Variants in RASGRF2 observed in about 807,000 individuals in gnomAD.
RASGRF2 encodes the protein Ras protein specific guanine nucleotide releasing factor 2, also known as ras-specific guanine nucleotide-releasing factor 2.
A neutral mutation model predicts 151.0 loss-of-function variants in RASGRF2; 76 were observed. The observed-to-expected ratio is 0.50, with a 90% confidence interval of 0.42 to 0.61. RASGRF2 has a LOEUF of 0.61. Among genes scored for constraint, RASGRF2 ranks in the 20% least tolerant of loss-of-function variants. The pLI is 0.00. For synonymous variants in RASGRF2, 504 were observed against 566.5 expected (o/e 0.89, Z 1.57); for missense variants, 1,148 against 1,564.6 (o/e 0.73, Z 4.49).
chr5:81,101,933 T>C (rs979718587), intron 12 of RASGRF2, among the ~76,000 whole-genome samples: 2 of 152,232 alleles, frequency 1.3e-5, no homozygotes, highest in African/African-American at 4.8e-5. Context: ...ATAAATCTCC[T>C]CTTTTGAGTT....
intron 1 of RASGRF2, among the ~76,000 whole-genome samples, chr5:80,999,388 G>T (rs1490521007): frequency 6.6e-6 from 1 of 152,040 alleles, no homozygotes; most frequent in Non-Finnish European, 1.5e-5. Flanking sequence ...GCCCAGGTTG[G>T]TTGGAGTGCA....
chr5:81,142,398 TC>T (rs1483906755), intron 17 of RASGRF2, among the ~76,000 whole-genome samples: 1 of 152,206 alleles, frequency 6.6e-6, no homozygotes, highest in African/African-American at 2.4e-5. Flanking sequence ...ATGCTCACTT[TC>T]TGAATGCAAT....
chr5:80,960,811 A>G lies in RASGRF2; in HGVS notation c.73A>G (p.Lys25Glu). Residue 25 changes from lysine (K) to glutamate (E), a missense_variant, in exon 1 of 27, where the codon AAG becomes GAG. Physicochemically the swap from Lys to Glu is moderately conservative, Grantham distance 56. This residue lies in a region of RASGRF2 where 221 missense variants were observed against 271.3 expected (regional missense o/e 0.81). Coordinates refer to ENST00000265080, the MANE Select transcript of RASGRF2 (RefSeq NM_006909.3). This position sits in a 1 kb window ranked among gnomAD's most constrained non-coding sequence, Gnocchi z 5.5. The stretch of plus-strand genomic sequence containing the variant: ...CTTTCTGGCGCGCAAGGAGGGCACC[A>G]AGCGCGGCTTCCTGAGTAAGAAGAC... ...LAFLARKEGT[K>E]RGFLSKKTAE... 6.2e-7 allele frequency: 1 copy of G among 1,613,612 alleles called. No homozygotes were observed. The highest frequency in any genetic ancestry group is 8.5e-7 in the Non-Finnish European group (1 of 1,179,724).
chr5:81,209,144 G>A (rs907089920), intron 22 of RASGRF2, among the ~76,000 whole-genome samples: 1 of 152,146 alleles, frequency 6.6e-6, no homozygotes, highest in African/African-American at 2.4e-5. Flanking sequence ...TGAACGTTCA[G>A]CCTGAATTAC....
At chr5:81,143,611 G>T (rs1240319127) in intron 17 of RASGRF2, among the ~76,000 whole-genome samples, 1 of 151,886 alleles carries the variant, frequency 6.6e-6, no homozygotes, top group African/African-American at 2.4e-5. Flanking sequence ...GATTAAAAAG[G>T]GCAGGCACGG....
At chr5:81,179,060 G>A (rs1304084312) in intron 17 of RASGRF2, among the ~76,000 whole-genome samples, 2 of 152,144 alleles carry the variant, frequency 1.3e-5, no homozygotes, top group Non-Finnish European at 2.9e-5. Flanking sequence ...CAAGAGGTTT[G>A]CCACTGAAGT....
chr5:81,035,287 A>T (rs1275909246), intron 1 of RASGRF2, among the ~76,000 whole-genome samples: 1 of 152,212 alleles, frequency 6.6e-6, no homozygotes, highest in African/African-American at 2.4e-5. Flanking sequence ...CAGCCATAAA[A>T]AAGGATGAGT....
intron 19 of RASGRF2, chr5:81,204,205 A>G (rs1251513627): frequency 2.0e-5 from 3 of 152,276 alleles, no homozygotes; most frequent in Non-Finnish European, 2.9e-5. Context: ...ATGCCCAAGC[A>G]TCGCCAGAAG....
intron 12 of RASGRF2, 114 bp from the exon 13 acceptor site, chr5:81,108,869 TGTGTGTGTGTGTA>T: frequency 2.5e-6 from 3 of 1,180,482 alleles, no homozygotes; most frequent in Non-Finnish European, 2.3e-6. Context: ...TGTGTGTGTG[TGTGTGTGTGTGTA>T]AGAGACAGGG....
intron 1 of RASGRF2, among the ~76,000 whole-genome samples, chr5:80,982,939 A>G (rs1441882035): frequency 1.3e-5 from 2 of 152,062 alleles, no homozygotes; most frequent in African/African-American, 2.4e-5. Flanking sequence ...TACTGTGGGG[A>G]ATTTTTCTTG....
intron 1 of RASGRF2, among the ~76,000 whole-genome samples, chr5:81,033,717 C>A (rs541117182): frequency 1.3e-5 from 2 of 152,168 alleles, no homozygotes; most frequent in African/African-American, 4.8e-5. Context: ...CTAGGCAGTA[C>A]CATTCAGGAC....
chr5:81,054,904 C>G (rs1262654950), intron 2 of RASGRF2, among the ~76,000 whole-genome samples: 2 of 151,830 alleles, frequency 1.3e-5, no homozygotes, highest in Non-Finnish European at 2.9e-5. Context: ...AATGGGAGTT[C>G]ACTCATGATT....
At chr5:81,001,696 C>T (rs151121048) in intron 1 of RASGRF2, among the ~76,000 whole-genome samples, 99 of 152,306 alleles carry the variant, frequency 6.5e-4, no homozygotes, top group East Asian at 3.7e-3. Flanking sequence ...CCAGAGCAAC[C>T]TTTTCGAGAC....
At chr5:81,044,855 T>TGGCCAAG (rs1363117521) in intron 2 of RASGRF2, among the ~76,000 whole-genome samples, 2 of 152,170 alleles carry the variant, frequency 1.3e-5, no homozygotes, top group African/African-American at 4.8e-5. Flanking sequence ...TTTTTTTTCT[T>TGGCCAAG]TTCCTCATTC....
intron 7 of RASGRF2, among the ~76,000 whole-genome samples, chr5:81,082,979 T>C (rs892114324): frequency 1.3e-5 from 2 of 152,240 alleles, no homozygotes; most frequent in Non-Finnish European, 2.9e-5. Flanking sequence ...TCTTCTTCAC[T>C]TGATGCCTCA....
Position 81,160,628 on chromosome 5 carries a change from C to T in RASGRF2, c.2687-19547C>T, listed in dbSNP as rs185858776. 2.6e-3 allele frequency among the ~76,000 whole-genome samples: 392 copies of T among 151,116 alleles called. 4 individuals are homozygous for T. The highest frequency in any genetic ancestry group is 8.9e-3 in the African/African-American group (366 of 41,158). The stretch of plus-strand genomic sequence containing the variant: ...CGGAGGTTGCAGTGAGCCAAGATCG[C>T]GCCACTGCACCACTGCACTCCAGCC... On this transcript the variant is annotated intron_variant, in intron 17 of 26. Transcript: ENST00000265080.
intron 1 of RASGRF2, among the ~76,000 whole-genome samples, chr5:80,964,176 C>T (rs1323247990): frequency 6.6e-6 from 1 of 152,032 alleles, no homozygotes; most frequent in Non-Finnish European, 1.5e-5. Context: ...TCTTATCAGC[C>T]TTCCATAGTG....
chr5:81,163,858 T>C (rs929490480), intron 17 of RASGRF2, among the ~76,000 whole-genome samples: 1 of 152,204 alleles, frequency 6.6e-6, no homozygotes, highest in African/African-American at 2.4e-5. Context: ...CACATCATCA[T>C]TGATGTGAAT....
At chr5:81,110,193 C>G (rs1231579807) in intron 13 of RASGRF2, among the ~76,000 whole-genome samples, 3 of 152,190 alleles carry the variant, frequency 2.0e-5, no homozygotes, top group African/African-American at 7.2e-5. Context: ...TTCTTACTGA[C>G]AGGGCGTCAC....
Sources: allele counts gnomAD v4.1 joint callset (sites outside exome capture counted in the v4.1 genomes callset), GRCh38; gene constraint gnomAD v4.1.1; regional missense constraint gnomAD v4.1.1; non-coding constraint Gnocchi (gnomAD v3.1); transcripts MANE v1.5; gene names NCBI Gene and HGNC (gene_info 2026-07-23, HGNC 2026-07-21).